The following SV2C variants were observed in gnomAD, a reference collection of about 807,000 sequenced individuals.
The protein encoded by SV2C is solute carrier family 22 member B3.
Under a neutral mutation model 79.7 loss-of-function variants are expected in SV2C, and 49 were observed. That is an observed-to-expected ratio of 0.61 (90% CI 0.49 to 0.78). The LOEUF is 0.78. SV2C is among the 30% of genes least tolerant of loss of function. SV2C has a pLI of 0.00. For missense variants in SV2C, 833 were observed against 912.9 expected (o/e 0.91, Z 1.13); for synonymous variants, 334 against 333.2 (o/e 1.00, Z -0.03).
rs113273071 is a variant in SV2C at position 76,091,088 on chromosome 5, G to A, written c.-102+7576G>A. Among the ~76,000 whole-genome samples the A allele has an allele frequency of 5.1e-3, 777 of 152,246 alleles. 4 individuals carry two copies. Among genetic ancestry groups the A allele is most frequent in the African/African-American group, 0.017 (726 of 41,554 alleles). ...CTAATAAATCCATGGAGCCATTGTCGTGTTTGCCCTCACACCATTCTTTTC... is the reference window on the plus strand; with the variant it reads ...CTAATAAATCCATGGAGCCATTGTCATGTTTGCCCTCACACCATTCTTTTC... On this transcript the variant is annotated intron_variant, in intron 1 of 12. Transcript: ENST00000502798.
At chr5:76,044,527 A>G in the SV2C span, among the ~76,000 whole-genome samples, 1 of 152,190 alleles carries the variant, frequency 6.6e-6, no homozygotes, top group East Asian at 1.9e-4. Flanking sequence ...ATTCCCACCA[A>G]TAGTGTAAAA....
At chr5:76,274,445 A>T (rs915764383) in intron 4 of SV2C, among the ~76,000 whole-genome samples, 3 of 152,096 alleles carry the variant, frequency 2.0e-5, no homozygotes, top group East Asian at 3.9e-4. Flanking sequence ...TATATATATA[A>T]AAACTGATAT....
chr5:76,026,499 G>A, the SV2C span, among the ~76,000 whole-genome samples: 2 of 152,132 alleles, frequency 1.3e-5, no homozygotes, highest in African/African-American at 4.8e-5. Context: ...TACACAAAGA[G>A]AAACAACACA....
the SV2C span, among the ~76,000 whole-genome samples, chr5:75,908,278 A>G: frequency 1.3e-5 from 2 of 152,252 alleles, no homozygotes; most frequent in African/African-American, 4.8e-5. Context: ...ATGGAGTCAC[A>G]TAATATGTTG....
At chr5:75,987,481 G>C in the SV2C span, among the ~76,000 whole-genome samples, 1 of 151,982 alleles carries the variant, frequency 6.6e-6, no homozygotes, top group Non-Finnish European at 1.5e-5. Flanking sequence ...CAGAGAGTTG[G>C]AAAGTACCTG....
the SV2C span, among the ~76,000 whole-genome samples, chr5:76,002,867 G>GTT: frequency 0.45 from 68,077 of 150,996 alleles, 16,179 homozygotes; most frequent in Middle Eastern, 0.61. Context: ...CTGTGCGTGT[G>GTT]TTTTTTTTAA....
At chr5:76,241,853 T>C (rs142372639) in intron 4 of SV2C, among the ~76,000 whole-genome samples, 1,831 of 152,242 alleles carry the variant, frequency 0.012, 27 homozygotes, top group African/African-American at 0.042. Context: ...TAGCGACATA[T>C]GCCCCTTCCC....
chr5:76,109,838 G>C (rs536745383), intron 1 of SV2C, among the ~76,000 whole-genome samples: 30 of 152,278 alleles, frequency 2.0e-4, no homozygotes, highest in African/African-American at 7.0e-4. Context: ...GGATAGGTGA[G>C]ACAATCTATT....
intron 1 of SV2C, among the ~76,000 whole-genome samples, chr5:76,116,199 G>C (rs1166539224): frequency 6.6e-6 from 1 of 152,178 alleles, no homozygotes; most frequent in Non-Finnish European, 1.5e-5. Context: ...CTATGGGACA[G>C]AGCTGCTCTA....
chr5:76,122,539 C>G (rs1290819550), intron 1 of SV2C, among the ~76,000 whole-genome samples: 1 of 151,914 alleles, frequency 6.6e-6, no homozygotes, highest in Non-Finnish European at 1.5e-5. Context: ...TTTTGAGATA[C>G]ATCCCATCAA....
At chr5:75,897,755 T>C in the SV2C span, among the ~76,000 whole-genome samples, 1 of 152,170 alleles carries the variant, frequency 6.6e-6, no homozygotes, top group Non-Finnish European at 1.5e-5. Flanking sequence ...GAGCAGTGGT[T>C]TGTAGTTCTC....
At chr5:75,932,664 G>T in the SV2C span, among the ~76,000 whole-genome samples, 1 of 152,236 alleles carries the variant, frequency 6.6e-6, no homozygotes, top group African/African-American at 2.4e-5. Context: ...GGCACAGGCT[G>T]CTCCTGCTAT....
chr5:76,234,010 C>T (rs981702894), intron 4 of SV2C, among the ~76,000 whole-genome samples: 6 of 152,070 alleles, frequency 3.9e-5, no homozygotes, highest in Non-Finnish European at 7.4e-5. Flanking sequence ...CATTAATTCA[C>T]AACATGGAGG....
chr5:76,101,551 A>C (rs1284015838), intron 1 of SV2C, among the ~76,000 whole-genome samples: 1 of 152,184 alleles, frequency 6.6e-6, no homozygotes, highest in Non-Finnish European at 1.5e-5. Context: ...AGAGGGGTTG[A>C]GATGGACAAT....
At chr5:76,312,233 G>A (rs1169573151) in intron 12 of SV2C, among the ~76,000 whole-genome samples, 4 of 151,132 alleles carry the variant, frequency 2.6e-5, no homozygotes, top group African/African-American at 9.8e-5. Context: ...TTTCCTGTGT[G>A]CTTATGGCTC....
At chr5:76,350,262 T>C (rs1749621820) in intron 12 of SV2C, among the ~76,000 whole-genome samples, 2 of 152,172 alleles carry the variant, frequency 1.3e-5, no homozygotes, top group South Asian at 4.2e-4. Context: ...CTGTCTGCCA[T>C]GACTTACCTA....
chr5:76,339,814 C>T (rs761454079), intron 12 of SV2C, among the ~76,000 whole-genome samples: 2 of 152,156 alleles, frequency 1.3e-5, no homozygotes, highest in African/African-American at 2.4e-5. Flanking sequence ...TGTAGTCCAG[C>T]GTCTGGCTTT....
chr5:75,992,305 A>C, the SV2C span, among the ~76,000 whole-genome samples: 2 of 151,906 alleles, frequency 1.3e-5, no homozygotes, highest in Non-Finnish European at 2.9e-5. Flanking sequence ...GGACCATAAA[A>C]CCATATAAAA....
At chr5:76,084,386 T>C (rs973877677) in intron 1 of SV2C, among the ~76,000 whole-genome samples, 1 of 152,094 alleles carries the variant, frequency 6.6e-6, no homozygotes, top group Non-Finnish European at 1.5e-5. Context: ...AGTGGGCTTT[T>C]CCCCTTCCGC....
Sources: allele counts gnomAD v4.1 joint callset (sites outside exome capture counted in the v4.1 genomes callset), GRCh38; gene constraint gnomAD v4.1.1; transcripts MANE v1.5; gene names NCBI Gene and HGNC (gene_info 2026-07-23, HGNC 2026-07-21).